Variants in NBEA observed in about 807,000 individuals in gnomAD.
NBEA encodes the protein neurobeachin, also known as lysosomal-trafficking regulator 2.
A neutral mutation model predicts 343.4 loss-of-function variants in NBEA; 44 were observed. The observed-to-expected ratio is 0.13, with a 90% CI of 0.10 to 0.16. The LOEUF is 0.16. Among genes scored for constraint, NBEA ranks in the 10% least tolerant of loss-of-function variants. NBEA has a pLI of 1.00. For missense variants in NBEA, 2,555 were observed against 3,631.3 expected (o/e 0.70, Z 7.62); for synonymous variants, 1,175 against 1,238.7 (o/e 0.95, Z 1.08).
chr13:35,307,501 AT>A (rs1389985536), intron 35 of NBEA, among the ~76,000 whole-genome samples: 1 of 151,934 alleles, frequency 6.6e-6, no homozygotes, highest in Non-Finnish European at 1.5e-5. Context: ...TTCAAAGATA[AT>A]TTTCTCTTGA....
intron 4 of NBEA, among the ~76,000 whole-genome samples, chr13:35,048,359 T>C (rs2062939797): frequency 6.6e-6 from 1 of 151,960 alleles, no homozygotes; most frequent in African/African-American, 2.4e-5. Flanking sequence ...ATTTGAAAAT[T>C]GAATGTTTCT....
chr13:35,669,865 T>C (rs1291488611), intron 58 of NBEA, among the ~76,000 whole-genome samples: 14 of 152,032 alleles, frequency 9.2e-5, no homozygotes, highest in Non-Finnish European at 1.5e-5. Flanking sequence ...GGATGAACTC[T>C]TCTTGAGGGC....
At chr13:34,990,391 A>G (rs922747990) in intron 1 of NBEA, among the ~76,000 whole-genome samples, 5 of 151,178 alleles carry the variant, frequency 3.3e-5, no homozygotes, top group African/African-American at 1.2e-4. Flanking sequence ...CTTGCCCTCT[A>G]TGCCCCCACA....
intron 10 of NBEA, among the ~76,000 whole-genome samples, chr13:35,081,757 TA>T (rs1445139922): frequency 1.3e-5 from 2 of 152,076 alleles, no homozygotes; most frequent in Non-Finnish European, 1.5e-5. Flanking sequence ...TTTTTAAGAG[TA>T]TTTTTTTCTT....
intron 40 of NBEA, among the ~76,000 whole-genome samples, chr13:35,452,709 G>A (rs1169918290): frequency 6.6e-6 from 1 of 152,152 alleles, no homozygotes; most frequent in African/African-American, 2.4e-5. Context: ...TAAGCCACTA[G>A]CAGATATTCT....
intron 36 of NBEA, among the ~76,000 whole-genome samples, chr13:35,347,025 T>C (rs915012424): frequency 1.3e-5 from 2 of 152,152 alleles, no homozygotes; most frequent in Non-Finnish European, 2.9e-5. Context: ...TCAACCTTGA[T>C]ATTAGAAAGA....
intron 41 of NBEA, among the ~76,000 whole-genome samples, chr13:35,540,396 T>A (rs2078767189): frequency 6.6e-6 from 1 of 152,072 alleles, no homozygotes; most frequent in Admixed American, 6.5e-5. Context: ...TAGTATAGAG[T>A]TCTGGTCTCC....
chr13:35,485,415 A>T (rs2076272476), intron 41 of NBEA, among the ~76,000 whole-genome samples: 1 of 152,084 alleles, frequency 6.6e-6, no homozygotes, highest in South Asian at 2.1e-4. Flanking sequence ...GTAGATGTTT[A>T]TTCATACTAT....
At chr13:35,484,885 G>C (rs376533476) in intron 41 of NBEA, among the ~76,000 whole-genome samples, 89 of 152,096 alleles carry the variant, frequency 5.9e-4, no homozygotes, top group Non-Finnish European at 1.3e-3. Flanking sequence ...TAGAGGGGTG[G>C]TAGTATTCTA....
At chr13:35,184,744 A>AT (rs2071570032) in intron 30 of NBEA, among the ~76,000 whole-genome samples, 1 of 152,154 alleles carries the variant, frequency 6.6e-6, no homozygotes, top group Non-Finnish European at 1.5e-5. Context: ...AATGGAAGAT[A>AT]TAAAGAAAAA....
chr13:34,947,055 T>G (rs1293865990), intron 1 of NBEA, among the ~76,000 whole-genome samples: 1 of 152,010 alleles, frequency 6.6e-6, no homozygotes, highest in Non-Finnish European at 1.5e-5. Context: ...AAAACCACAT[T>G]TATATTAAAA....
intron 38 of NBEA, among the ~76,000 whole-genome samples, chr13:35,380,145 G>A (rs1354551548): frequency 1.3e-5 from 2 of 151,956 alleles, no homozygotes; most frequent in Non-Finnish European, 1.5e-5. Context: ...ATTTCTCTTG[G>A]TAATACTTTG....
intron 5 of NBEA, among the ~76,000 whole-genome samples, chr13:35,049,364 T>C (rs1032894470): frequency 1.7e-4 from 26 of 151,882 alleles, no homozygotes; most frequent in African/African-American, 6.3e-4. Flanking sequence ...GTTCAAGTTC[T>C]GGCTTTACCA....
Position 35,151,476 on chromosome 13 carries a change from G to A in NBEA, c.2446-4298G>A, listed in dbSNP as rs2068783055. On this transcript the variant is annotated intron_variant, in intron 18 of 58. Coordinates refer to ENST00000379939, the MANE Select transcript of NBEA (RefSeq NM_001385012.1). ...GAGAATCGCTTGAACCCGGGAGGTG[G>A]AGGTTGCGGTGAGCCGAGATTATGC... Among the ~76,000 whole-genome samples, 3 of 150,622 alleles carry A rather than the reference G, an allele frequency of 2.0e-5. No individual in the cohort carries two copies. The Admixed American group carries it at 2.0e-4, about 10-fold the overall frequency.
chr13:35,013,498 T>G (rs1443170349), intron 1 of NBEA, among the ~76,000 whole-genome samples: 1 of 151,310 alleles, frequency 6.6e-6, no homozygotes, highest in Non-Finnish European at 1.5e-5. Flanking sequence ...TGAGACAGAG[T>G]CTCACTCTGT....
intron 36 of NBEA, among the ~76,000 whole-genome samples, chr13:35,317,439 C>A (rs2037818804): frequency 6.6e-6 from 1 of 152,006 alleles, no homozygotes; most frequent in Non-Finnish European, 1.5e-5. Flanking sequence ...ATTTCTGAGG[C>A]CTCTGTTCTA....
chr13:35,091,019 A>T (rs1410694907), intron 10 of NBEA, among the ~76,000 whole-genome samples: 1 of 151,930 alleles, frequency 6.6e-6, no homozygotes, highest in Middle Eastern at 3.2e-3. Flanking sequence ...CTCTGGGAGA[A>T]ATCCTCTAGT....
intron 34 of NBEA, among the ~76,000 whole-genome samples, chr13:35,244,474 T>C (rs989935071): frequency 3.3e-5 from 5 of 152,110 alleles, no homozygotes; most frequent in Non-Finnish European, 5.9e-5. Context: ...TTGGTCTATG[T>C]GCCTATTTTT....
intron 31 of NBEA, among the ~76,000 whole-genome samples, chr13:35,196,742 A>G (rs1260024745): frequency 6.6e-6 from 1 of 152,148 alleles, no homozygotes; most frequent in South Asian, 2.1e-4. Context: ...TTTAAGTGAT[A>G]ATATTTAAAT....
Sources: allele counts gnomAD v4.1 joint callset (sites outside exome capture counted in the v4.1 genomes callset), GRCh38; gene constraint gnomAD v4.1.1; transcripts MANE v1.5; gene names NCBI Gene and HGNC (gene_info 2026-07-23, HGNC 2026-07-21).